The following CNTN3 variants were observed in gnomAD, a reference collection of about 807,000 sequenced individuals.
CNTN3 encodes contactin-3.
In CNTN3, 60 loss-of-function variants were observed where a neutral mutation model predicts 119.1. The ratio of observed to expected loss-of-function variants is 0.50; its 90% confidence interval spans 0.41 to 0.62. CNTN3 has a LOEUF of 0.62. Ranked by LOEUF, CNTN3 falls within the 20% of genes least tolerant of loss-of-function variation. The pLI, the probability that CNTN3 is intolerant of heterozygous loss-of-function variation, is 0.00. For synonymous variants in CNTN3, 450 were observed against 438.7 expected (o/e 1.03, Z -0.32); for missense variants, 1,101 against 1,242.4 (o/e 0.89, Z 1.71).
At chr3:74,557,459 A>G (rs567610682) in intron 1 of CNTN3, among the ~76,000 whole-genome samples, 21 of 152,300 alleles carry the variant, frequency 1.4e-4, no homozygotes, top group Non-Finnish European at 1.2e-4. Context: ...GACATCGTAC[A>G]CACCCTGAGT....
intron 1 of CNTN3, among the ~76,000 whole-genome samples, chr3:74,534,109 C>CACTT (rs780856311): frequency 2.6e-4 from 39 of 152,030 alleles, no homozygotes; most frequent in Non-Finnish European, 4.7e-4. Flanking sequence ...AGAAAGGACA[C>CACTT]ACTTCATCCT....
chr3:74,568,454 T>C (rs970122867), intron 1 of CNTN3, among the ~76,000 whole-genome samples: 4 of 152,196 alleles, frequency 2.6e-5, no homozygotes, highest in Non-Finnish European at 5.9e-5. Flanking sequence ...CTGAACAAAC[T>C]CAGCCTACTC....
At chr3:74,379,577 C>T (rs1250563615) in intron 5 of CNTN3, among the ~76,000 whole-genome samples, 1 of 152,134 alleles carries the variant, frequency 6.6e-6, no homozygotes, top group East Asian at 1.9e-4. Flanking sequence ...ACTCTGGAAG[C>T]TAGTTTGTAT....
At chr3:74,436,304 T>C (rs1175872395) in intron 4 of CNTN3, among the ~76,000 whole-genome samples, 2 of 152,188 alleles carry the variant, frequency 1.3e-5, no homozygotes, top group Admixed American at 6.5e-5. Context: ...ATTTTAGGTC[T>C]GTCTGCTCAG....
At chr3:74,526,719 G>A (rs1703624834) in intron 1 of CNTN3, among the ~76,000 whole-genome samples, 1 of 151,838 alleles carries the variant, frequency 6.6e-6, no homozygotes, top group African/African-American at 2.4e-5. Context: ...ACAGTTCTGT[G>A]TTGACCACAG....
At chr3:74,420,381 C>T (rs1302113483) in intron 5 of CNTN3, among the ~76,000 whole-genome samples, 1 of 152,184 alleles carries the variant, frequency 6.6e-6, no homozygotes, top group Non-Finnish European at 1.5e-5. Context: ...ACTTTGGGAT[C>T]CTTATTTAGG....
intron 1 of CNTN3, among the ~76,000 whole-genome samples, chr3:74,540,402 A>C (rs1028851015): frequency 3.3e-5 from 5 of 152,084 alleles, no homozygotes; most frequent in Non-Finnish European, 5.9e-5. Flanking sequence ...AATTGGTCTG[A>C]TTTGGGCACT....
chr3:74,602,462 A>G (rs1332803009), intron 1 of CNTN3, among the ~76,000 whole-genome samples: 1 of 151,990 alleles, frequency 6.6e-6, no homozygotes, highest in African/African-American at 2.4e-5. Flanking sequence ...GTAACAGCTA[A>G]TTCATGTGGG....
intron 3 of CNTN3, among the ~76,000 whole-genome samples, chr3:74,489,192 C>T (rs948969610): frequency 1.3e-5 from 2 of 152,078 alleles, no homozygotes; most frequent in African/African-American, 4.8e-5. Flanking sequence ...GAATCTATGG[C>T]CCTAAACCAT....
At chr3:74,611,684 A>G (rs923356074) in intron 1 of CNTN3, among the ~76,000 whole-genome samples, 1 of 152,202 alleles carries the variant, frequency 6.6e-6, no homozygotes, top group Non-Finnish European at 1.5e-5. Context: ...TTTTTCAAGC[A>G]TAAGAAAGGA....
chr3:74,297,059 A>G (rs1702353077), intron 18 of CNTN3, among the ~76,000 whole-genome samples: 1 of 152,136 alleles, frequency 6.6e-6, no homozygotes. Flanking sequence ...AGAGTGAAGT[A>G]TGTCTGTATC....
At chr3:74,350,743 A>T (rs1038094697) in intron 11 of CNTN3, among the ~76,000 whole-genome samples, 22 of 152,196 alleles carry the variant, frequency 1.4e-4, no homozygotes, top group African/African-American at 4.8e-4. Context: ...TACAGCCATA[A>T]AACAGAATGA....
chr3:74,518,205 G>A (rs1011051193), intron 2 of CNTN3, among the ~76,000 whole-genome samples: 3 of 151,934 alleles, frequency 2.0e-5, no homozygotes, highest in African/African-American at 4.8e-5. Flanking sequence ...AATATGCGGA[G>A]TAATCAATGA....
chr3:74,493,369 A>G (rs1703002447), intron 3 of CNTN3, among the ~76,000 whole-genome samples: 1 of 152,170 alleles, frequency 6.6e-6, no homozygotes, highest in Admixed American at 6.6e-5. Flanking sequence ...TTCACCTCAC[A>G]GTTGATTATA....
intron 1 of CNTN3, among the ~76,000 whole-genome samples, chr3:74,612,578 G>A (rs1011171147): frequency 5.9e-5 from 9 of 152,118 alleles, no homozygotes; most frequent in Admixed American, 3.9e-4. Context: ...CTATTACCCT[G>A]CATATCAATT....
intron 13 of CNTN3, among the ~76,000 whole-genome samples, chr3:74,311,743 A>AC (rs1702689337): frequency 6.6e-6 from 1 of 152,182 alleles, no homozygotes; most frequent in Admixed American, 6.5e-5. Context: ...AGAAGATGTC[A>AC]CTCTCTCCTA....
chr3:74,415,416 T>C (rs548626813), intron 5 of CNTN3, among the ~76,000 whole-genome samples: 34 of 152,322 alleles, frequency 2.2e-4, no homozygotes, highest in Admixed American at 7.8e-4. Flanking sequence ...GTATGTTCCA[T>C]GCTGACTTTA....
chr3:74,503,860 G>C (rs144124199), intron 2 of CNTN3, among the ~76,000 whole-genome samples: 1 of 151,956 alleles, frequency 6.6e-6, no homozygotes, highest in African/African-American at 2.4e-5. Context: ...TCAGACTTCC[G>C]AACAGGACTA....
intron 16 of CNTN3, among the ~76,000 whole-genome samples, chr3:74,300,306 T>C (rs1011773870): frequency 5.9e-5 from 9 of 152,190 alleles, no homozygotes; most frequent in African/African-American, 2.2e-4. Context: ...AAGTAGAATA[T>C]AATTCTGAGA....
Sources: gnomAD v4.1 joint callset for allele counts (sites outside exome capture counted in the v4.1 genomes callset) on GRCh38, gnomAD v4.1.1 for gene constraint, MANE v1.5 for transcripts, NCBI Gene and HGNC (gene_info 2026-07-23, HGNC 2026-07-21) for gene names.